KIAA0825: variants seen among roughly 807,000 people sequenced by gnomAD.
KIAA0825 encodes KIAA0825, also known as uncharacterized protein KIAA0825.
In KIAA0825, 119 loss-of-function variants were observed where a neutral mutation model predicts 147.6. That is an observed-to-expected ratio of 0.81 (90% CI 0.69 to 0.94). The LOEUF (loss-of-function observed/expected upper bound fraction) is 0.94. KIAA0825 is among the 40% of genes least tolerant of loss of function. The probability of loss-of-function intolerance (pLI) is 0.00; values close to 1 mark genes in which losing one functional copy is unlikely to be tolerated. For missense variants in KIAA0825, 1,381 were observed against 1,472.7 expected (o/e 0.94, Z 1.02); for synonymous variants, 470 against 518.1 (o/e 0.91, Z 1.26).
chr5:94,616,869 C>T (rs58306231), intron 1 of KIAA0825, among the ~76,000 whole-genome samples: 11,192 of 152,176 alleles, frequency 0.074, 457 homozygotes, highest in South Asian at 0.12. Flanking sequence ...ACTATCTATC[C>T]ATTTTTACCT....
Position 94,209,593 on chromosome 5 carries a change from C to G in KIAA0825, c.3711-55469G>C, listed in dbSNP as rs1403514497. Among the ~76,000 whole-genome samples the G allele has an allele frequency of 2.0e-5, 3 of 152,140 alleles. No individual in the cohort carries two copies. The East Asian group carries it at 5.8e-4, about 29-fold the overall frequency. On this transcript the variant is annotated intron_variant, in intron 20 of 20. Coordinates refer to ENST00000682413, the MANE Select transcript of KIAA0825 (RefSeq NM_001145678.3). ...TTTTTATGCTGCTTTTACTAATTAA[C>G]ATGTGTAAAAATGTTAGGAAAATTT...
intron 2 of KIAA0825, among the ~76,000 whole-genome samples, chr5:94,550,581 A>C (rs753535821): frequency 6.6e-6 from 1 of 152,144 alleles, no homozygotes; most frequent in Non-Finnish European, 1.5e-5. Context: ...GGTAGCTCAC[A>C]CCTGTAATCC....
chr5:94,593,676 T>A (rs1170176455), intron 1 of KIAA0825: 2 of 407,898 alleles, frequency 4.9e-6, no homozygotes, highest in East Asian at 1.1e-4. Context: ...GAAATTCATG[T>A]CTGATTAAAA....
chr5:94,222,607 G>A (rs1208331277), intron 20 of KIAA0825, among the ~76,000 whole-genome samples: 1 of 152,054 alleles, frequency 6.6e-6, no homozygotes, highest in Non-Finnish European at 1.5e-5. Context: ...ACCTAACCTA[G>A]AAAATCACAT....
At chr5:94,303,950 G>C (rs764272667) in intron 20 of KIAA0825, among the ~76,000 whole-genome samples, 1 of 151,874 alleles carries the variant, frequency 6.6e-6, no homozygotes, top group Admixed American at 6.6e-5. Context: ...TTGATTTCTC[G>C]CCTCATTTTT....
At chr5:94,224,082 C>CTTTTTTT (rs869059424) in intron 20 of KIAA0825, among the ~76,000 whole-genome samples, 25 of 56,482 alleles carry the variant, frequency 4.4e-4, no homozygotes, top group South Asian at 8.1e-4. Flanking sequence ...TTTTTCTTTT[C>CTTTTTTT]TTTTTTTTTT....
At chr5:94,257,957 T>C (rs1776323019) in intron 20 of KIAA0825, among the ~76,000 whole-genome samples, 1 of 152,028 alleles carries the variant, frequency 6.6e-6, no homozygotes, top group Non-Finnish European at 1.5e-5. Context: ...TGTCAAGAAA[T>C]TTAAGGAATC....
At chr5:94,366,287 G>T (rs1745847349) in intron 20 of KIAA0825, among the ~76,000 whole-genome samples, 1 of 152,162 alleles carries the variant, frequency 6.6e-6, no homozygotes. Flanking sequence ...CCACTGCGGG[G>T]TTACATTCCC....
intron 2 of KIAA0825, among the ~76,000 whole-genome samples, chr5:94,578,503 GCTTT>G (rs1304596665): frequency 6.6e-6 from 1 of 151,968 alleles, no homozygotes; most frequent in Non-Finnish European, 1.5e-5. Context: ...CTATATAAAT[GCTTT>G]CTGTTTATGT....
intron 3 of KIAA0825, 43 bp from the exon 4 acceptor site, chr5:94,524,141 T>C: frequency 1.5e-6 from 2 of 1,333,122 alleles, no homozygotes; most frequent in Non-Finnish European, 2.1e-6. Flanking sequence ...AGGATATAGA[T>C]AATGGCTTCA....
chr5:94,158,066 A>T (rs1234433072), intron 20 of KIAA0825, among the ~76,000 whole-genome samples: 1 of 152,184 alleles, frequency 6.6e-6, no homozygotes, highest in Admixed American at 6.6e-5. Flanking sequence ...ATAAGAGCAC[A>T]GGCCCTAGAA....
chr5:94,486,738 C>T (rs1443057103), intron 5 of KIAA0825, among the ~76,000 whole-genome samples: 1 of 152,102 alleles, frequency 6.6e-6, no homozygotes, highest in East Asian at 1.9e-4. Flanking sequence ...AAAGAGAACA[C>T]ACATATTATG....
intron 20 of KIAA0825, among the ~76,000 whole-genome samples, chr5:94,254,162 T>C (rs1003294974): frequency 6.6e-6 from 1 of 152,196 alleles, no homozygotes; most frequent in Non-Finnish European, 1.5e-5. Flanking sequence ...TCTAATAATG[T>C]CTAGCTTATT....
chr5:94,322,036 C>T (rs1173110662), intron 20 of KIAA0825, among the ~76,000 whole-genome samples: 12 of 151,860 alleles, frequency 7.9e-5, no homozygotes, highest in Non-Finnish European at 1.8e-4. Context: ...ACAAAAATTT[C>T]AAGAGGCAAG....
chr5:94,427,005 G>T (rs1424698482), intron 14 of KIAA0825, among the ~76,000 whole-genome samples: 1 of 152,148 alleles, frequency 6.6e-6, no homozygotes, highest in Admixed American at 6.5e-5. Context: ...TAATTATGAT[G>T]AAGACTGTAT....
chr5:94,391,338 T>C (rs1448898004), intron 18 of KIAA0825, among the ~76,000 whole-genome samples, 197 bp downstream of exon 18: 1 of 152,202 alleles, frequency 6.6e-6, no homozygotes, highest in Non-Finnish European at 1.5e-5. Context: ...AAATAAAATC[T>C]ACATTGTTTC....
At position 94,417,361 on chromosome 5, in the gene KIAA0825, T is replaced by C; in HGVS notation, c.2502A>G (p.Gln834=). Residue 834 remains glutamine, a synonymous_variant, in exon 15 of 21, where the codon CAA becomes CAG. Transcript: ENST00000682413. The stretch of plus-strand genomic sequence containing the variant: ...TCAGGTTATTTTCTGTGTCGGAAAC[T>C]TGTTCTTGAAAGGTACGTTCTTGAA... ...LLRILLKSSK[Q]VSDTENNLNQ... 6.5e-7 allele frequency: 1 copy of C among 1,542,732 alleles called. No homozygotes were observed. Among genetic ancestry groups the C allele is most frequent in the Admixed American group, 2.0e-5 (1 of 50,710 alleles).
chr5:94,158,034 T>C (rs1404090561), intron 20 of KIAA0825, among the ~76,000 whole-genome samples: 1 of 152,134 alleles, frequency 6.6e-6, no homozygotes, highest in Non-Finnish European at 1.5e-5. Context: ...ATTTAAAATA[T>C]CTGAAATCAA....
intron 10 of KIAA0825, among the ~76,000 whole-genome samples, chr5:94,468,030 A>T (rs1429373711): frequency 6.6e-6 from 1 of 152,232 alleles, no homozygotes; most frequent in African/African-American, 2.4e-5. Context: ...TCTGCAATTA[A>T]ATTGTAACTA....
Sources: gnomAD v4.1 joint callset for allele counts (sites outside exome capture counted in the v4.1 genomes callset) on GRCh38, gnomAD v4.1.1 for gene constraint, MANE v1.5 for transcripts, NCBI Gene and HGNC (gene_info 2026-07-23, HGNC 2026-07-21) for gene names.